AKR1C8: variants seen among roughly 807,000 people sequenced by gnomAD.
AKR1C8 encodes aldo-keto reductase family 1 member C-like protein 1.
chr10:5,133,813 A>G, the AKR1C8 span, among the ~76,000 whole-genome samples: 54 of 152,122 alleles, frequency 3.5e-4, no homozygotes. Flanking sequence ...ACTCCTTTCT[A>G]CACAGCCATT....
At chr10:5,165,685 T>A in the AKR1C8 span, among the ~76,000 whole-genome samples, 1 of 152,110 alleles carries the variant, frequency 6.6e-6, no homozygotes, top group African/African-American at 2.4e-5. Flanking sequence ...TACTTTATGT[T>A]TAATAGTCAA....
At chr10:5,173,974 T>C in the AKR1C8 span, among the ~76,000 whole-genome samples, 1 of 151,662 alleles carries the variant, frequency 6.6e-6, no homozygotes, top group Admixed American at 6.6e-5. Flanking sequence ...CCTTTGGAAA[T>C]AAAAGAAAAA....
At chr10:5,134,250 TCCCCCTCATG>T in the AKR1C8 span, among the ~76,000 whole-genome samples, 2 of 152,124 alleles carry the variant, frequency 1.3e-5, no homozygotes, top group Non-Finnish European at 2.9e-5. Context: ...TTTCCTTACT[TCCCCCTCATG>T]CCAATTTTCA....
At chr10:5,178,343 G>A in the AKR1C8 span, among the ~76,000 whole-genome samples, 1 of 152,192 alleles carries the variant, frequency 6.6e-6, no homozygotes, top group African/African-American at 2.4e-5. Flanking sequence ...TGGTCTGAGA[G>A]ACAGTTTGTT....
chr10:5,165,851 T>A, the AKR1C8 span, among the ~76,000 whole-genome samples: 3 of 152,026 alleles, frequency 2.0e-5, no homozygotes, highest in Non-Finnish European at 4.4e-5. Context: ...GGGAGGCTTA[T>A]GATCTAAGAA....
At chr10:5,181,411 T>A in the AKR1C8 span, among the ~76,000 whole-genome samples, 12 of 152,226 alleles carry the variant, frequency 7.9e-5, no homozygotes, top group African/African-American at 2.9e-4. Flanking sequence ...AAATGACTTA[T>A]GGTAATCTGA....
At chr10:5,120,358 T>C in the AKR1C8 span, among the ~76,000 whole-genome samples, 6 of 94,192 alleles carry the variant, frequency 6.4e-5, no homozygotes, top group African/African-American at 2.9e-4. Context: ...TGTGTGTCTT[T>C]AATTCCTCTA....
At chr10:5,184,334 A>G in the AKR1C8 span, among the ~76,000 whole-genome samples, 1 of 152,148 alleles carries the variant, frequency 6.6e-6, no homozygotes, top group Non-Finnish European at 1.5e-5. Flanking sequence ...CACAGTCCTT[A>G]ATTTTCTCAG....
chr10:5,178,901 C>G, the AKR1C8 span, among the ~76,000 whole-genome samples: 3 of 152,146 alleles, frequency 2.0e-5, no homozygotes, highest in Non-Finnish European at 4.4e-5. Context: ...TTCCTGAATA[C>G]AGCACACTGA....
the AKR1C8 span, among the ~76,000 whole-genome samples, chr10:5,173,552 T>A: frequency 6.6e-6 from 1 of 151,496 alleles, no homozygotes; most frequent in African/African-American, 2.4e-5. Flanking sequence ...TGAACATAAC[T>A]ATAAACAAAT....
At chr10:5,154,546 A>T in the AKR1C8 span, 1 of 193,634 alleles carries the variant, frequency 5.2e-6, no homozygotes, top group African/African-American at 2.3e-5. Context: ...ACAGGGCCAC[A>T]GACATGAGTA....
chr10:5,116,648 T>C, the AKR1C8 span, among the ~76,000 whole-genome samples: 1 of 152,200 alleles, frequency 6.6e-6, no homozygotes, highest in African/African-American at 2.4e-5. Flanking sequence ...AATCACTATA[T>C]AATCACACAT....
chr10:5,132,325 T>C, the AKR1C8 span, among the ~76,000 whole-genome samples: 5 of 152,150 alleles, frequency 3.3e-5, no homozygotes, highest in Non-Finnish European at 7.4e-5. Context: ...ACAAAAGCCA[T>C]TGAAATTAAA....
At chr10:5,181,753 A>G in the AKR1C8 span, among the ~76,000 whole-genome samples, 1 of 152,238 alleles carries the variant, frequency 6.6e-6, no homozygotes, top group Non-Finnish European at 1.5e-5. Flanking sequence ...ATTGTAAACC[A>G]CAGAAATAAC....
chr10:5,157,671 C>A, the AKR1C8 span: 1 of 472,722 alleles, frequency 2.1e-6, no homozygotes, highest in South Asian at 1.5e-5. Context: ...GAGAGAAGCT[C>A]TTGGCCAGCA....
chr10:5,155,049 G>C, the AKR1C8 span: 1 of 152,152 alleles, frequency 6.6e-6, no homozygotes, highest in Admixed American at 6.5e-5. Flanking sequence ...ATTCAGCATG[G>C]TGAGATTATA....
chr10:5,127,685 G>C, the AKR1C8 span, among the ~76,000 whole-genome samples: 3 of 133,518 alleles, frequency 2.2e-5, no homozygotes, highest in Non-Finnish European at 4.6e-5. Flanking sequence ...TCATGCACCT[G>C]CACTCCAGCA....
At chr10:5,125,435 C>T in the AKR1C8 span, among the ~76,000 whole-genome samples, 4 of 152,198 alleles carry the variant, frequency 2.6e-5, no homozygotes, top group Non-Finnish European at 4.4e-5. Context: ...ACTCTGTGAC[C>T]CTGCCTGTCA....
chr10:5,163,627 AAGTT>A, the AKR1C8 span, among the ~76,000 whole-genome samples: 2 of 152,178 alleles, frequency 1.3e-5, no homozygotes, highest in Non-Finnish European at 1.5e-5. Flanking sequence ...TAAGATAAAA[AAGTT>A]AGTAAGTTAG....
Sources: allele counts gnomAD v4.1 joint callset (sites outside exome capture counted in the v4.1 genomes callset), GRCh38; gene constraint gnomAD v4.1.1; transcripts MANE v1.5; gene names NCBI Gene and HGNC (gene_info 2026-07-23, HGNC 2026-07-21).